The following SLC25A13 variants were observed in gnomAD, a reference collection of about 807,000 sequenced individuals.
The protein encoded by SLC25A13 is solute carrier family 25 member 13.
SLC25A13 carries 70 observed loss-of-function variants against 85.5 expected under a neutral mutation model. The observed-to-expected ratio is 0.82, with a 90% CI of 0.68 to 1.00. The LOEUF is 1.00. Ranked by LOEUF, SLC25A13 falls within the 50% of genes least tolerant of loss-of-function variation. The probability of loss-of-function intolerance (pLI) is 0.00; values close to 1 mark genes in which losing one functional copy is unlikely to be tolerated. For synonymous variants in SLC25A13, 259 were observed against 288.7 expected, an observed-to-expected ratio of 0.90 and a Z score of 1.04; for missense variants, 765 against 819.8, an observed-to-expected ratio of 0.93 and a Z score of 0.82.
At chr7:96,188,128 G>A (rs1794706747) in intron 9 of SLC25A13, among the ~76,000 whole-genome samples, 1 of 152,312 alleles carries the variant, frequency 6.6e-6, no homozygotes, top group East Asian at 1.9e-4. Flanking sequence ...ATAGCTGGTG[G>A]CATACAGACG....
intron 4 of SLC25A13, among the ~76,000 whole-genome samples, chr7:96,211,476 AT>A (rs1444212604): frequency 6.6e-6 from 1 of 152,164 alleles, no homozygotes; most frequent in Non-Finnish European, 1.5e-5. Flanking sequence ...TCTCTATATG[AT>A]GTAATATAAA....
At chr7:96,307,857 C>A (rs1330485518) in intron 1 of SLC25A13, among the ~76,000 whole-genome samples, 3 of 151,958 alleles carry the variant, frequency 2.0e-5, no homozygotes. Flanking sequence ...ACATTTAAAT[C>A]TGACTCCACT....
chr7:96,188,376 C>A (rs994208316), intron 9 of SLC25A13, among the ~76,000 whole-genome samples: 2 of 152,106 alleles, frequency 1.3e-5, no homozygotes, highest in Admixed American at 6.6e-5. Context: ...TGGGAAAGAG[C>A]TAAAAGAAGG....
Position 96,189,689 on chromosome 7 carries a change from A to C in SLC25A13, c.755-15T>G, listed in dbSNP as rs1378327858. On this transcript the variant is annotated splice_polypyrimidine_tract_variant and intron_variant, in intron 7 of 17. Transcript: ENST00000265631. ...AACAAACTCCTCTGTATGGAAGAAAAGTTAAAAGGGAAAGATTCAAGAAGA... is the reference window on the plus strand; with the variant it reads ...AACAAACTCCTCTGTATGGAAGAAACGTTAAAAGGGAAAGATTCAAGAAGA... The C allele has an allele frequency of 1.2e-6, 2 of 1,606,818 alleles. No individual in the cohort carries two copies. The highest frequency in any genetic ancestry group is 2.7e-5 in the African/African-American group (2 of 74,794).
At chr7:96,174,455 T>C (rs1197439800) in intron 11 of SLC25A13, among the ~76,000 whole-genome samples, 1 of 152,234 alleles carries the variant, frequency 6.6e-6, no homozygotes, top group Non-Finnish European at 1.5e-5. Flanking sequence ...GGTTATTACC[T>C]AATAAAAGTA....
rs573381158 is a variant in SLC25A13 at position 96,223,458 on chromosome 7, G to A, written c.328+11344C>T. Among the ~76,000 whole-genome samples, 5 of 152,178 alleles carry A rather than the reference G, an allele frequency of 3.3e-5. No homozygotes were observed. In the South Asian group the frequency reaches 1.0e-3, roughly 32 times the overall value. ...ATAGATCATACTTTGAATTTTCAGG[G>A]GGTCTACTTGTGACTTTCCTCAGAT... On this transcript the variant is annotated intron_variant, in intron 4 of 17. Coordinates refer to ENST00000265631, the MANE Select transcript of SLC25A13 (RefSeq NM_014251.3).
intron 3 of SLC25A13, among the ~76,000 whole-genome samples, chr7:96,266,646 T>C (rs554585312): frequency 6.6e-6 from 1 of 152,238 alleles, no homozygotes; most frequent in East Asian, 1.9e-4. Flanking sequence ...TTCCTAGAGA[T>C]TTTCTAATAC....
intron 3 of SLC25A13, among the ~76,000 whole-genome samples, chr7:96,266,403 C>A (rs990904781): frequency 6.6e-6 from 1 of 152,156 alleles, no homozygotes; most frequent in Non-Finnish European, 1.5e-5. Context: ...TTGGCATTCA[C>A]CTAGAAAAGA....
At chr7:96,231,905 A>C (rs1796554191) in intron 4 of SLC25A13, among the ~76,000 whole-genome samples, 1 of 152,180 alleles carries the variant, frequency 6.6e-6, no homozygotes, top group African/African-American at 2.4e-5. Flanking sequence ...ACTATTAAAA[A>C]GTCAAAAAAT....
chr7:96,177,606 T>C (rs2116606641), intron 11 of SLC25A13, among the ~76,000 whole-genome samples: 1 of 152,296 alleles, frequency 6.6e-6, no homozygotes, highest in African/African-American at 2.4e-5. Context: ...TTTCACGGGG[T>C]AGTCGTGAAG....
At chr7:96,138,159 T>G (rs1177053136) in intron 14 of SLC25A13, among the ~76,000 whole-genome samples, 2 of 152,148 alleles carry the variant, frequency 1.3e-5, no homozygotes, top group African/African-American at 2.4e-5. Flanking sequence ...GGTTGAAAAG[T>G]TTTTTTCCTC....
intron 1 of SLC25A13, among the ~76,000 whole-genome samples, chr7:96,298,434 C>CT (rs879811089): frequency 3.7e-4 from 54 of 147,364 alleles, no homozygotes; most frequent in Admixed American, 6.1e-4. Flanking sequence ...ATTTGTAATA[C>CT]TTTTTTTTTT....
rs532132551 is a variant in SLC25A13 at position 96,120,506 on chromosome 7, GCTACAT to G, written c.*679_*684del. ...CAAAATTAGCACTTCCAGGAGAGGG[GCTACAT>G]CTCAGTTTTTTCTGTCTGTACAGTA... is the stretch of plus-strand genomic sequence containing the variant. On this transcript the variant is annotated 3_prime_UTR_variant, in exon 18 of 18. Coordinates refer to ENST00000265631, the MANE Select transcript of SLC25A13 (RefSeq NM_014251.3). 3,439 of 454,400 alleles carry G rather than the reference GCTACAT, an allele frequency of 7.6e-3. 14 individuals carry two copies. Among genetic ancestry groups the G allele is most frequent in the Non-Finnish European group, 0.011 (2,544 of 226,758 alleles). The allele number at this position is 454,400 out of a possible 1,614,324, so 28.1% of individuals were successfully genotyped here.
chr7:96,215,624 C>T (rs1166147228), intron 4 of SLC25A13, among the ~76,000 whole-genome samples: 3 of 151,878 alleles, frequency 2.0e-5, no homozygotes, highest in Non-Finnish European at 2.9e-5. Flanking sequence ...ACCCTGTATA[C>T]AAAAATTAAC....
chr7:96,212,375 C>T (rs777581992), intron 4 of SLC25A13, among the ~76,000 whole-genome samples: 1 of 152,162 alleles, frequency 6.6e-6, no homozygotes, highest in Non-Finnish European at 1.5e-5. Flanking sequence ...AGGTATGAGG[C>T]TACATCCAAG....
intron 15 of SLC25A13, among the ~76,000 whole-genome samples, chr7:96,128,949 T>G (rs947201509): frequency 2.1e-4 from 30 of 144,416 alleles, no homozygotes; most frequent in African/African-American, 6.9e-4. Flanking sequence ...GCTCTCTCTC[T>G]CTCTCTCTCT....
chr7:96,202,090 A>C (rs776796176), intron 5 of SLC25A13, among the ~76,000 whole-genome samples: 3 of 152,216 alleles, frequency 2.0e-5, no homozygotes, highest in Non-Finnish European at 4.4e-5. Context: ...CTGACCAAGA[A>C]GCCAAAATAA....
At chr7:96,310,473 G>A (rs755087922) in intron 1 of SLC25A13, among the ~76,000 whole-genome samples, 10 of 152,172 alleles carry the variant, frequency 6.6e-5, no homozygotes, top group Non-Finnish European at 1.3e-4. Context: ...CATAATGCTA[G>A]TTTATCCCAT....
In SLC25A13 at chr7:96,150,549, AT is replaced by A. The variant is rs199810232; in HGVS notation, c.1312-3854del. 4.7e-4 allele frequency among the ~76,000 whole-genome samples: 72 copies of A among 152,300 alleles called. 1 individual carries two copies. In the East Asian group the frequency reaches 0.014, roughly 29 times the overall value. On this transcript the variant is annotated intron_variant, in intron 13 of 17. Transcript: ENST00000265631. Reference sequence around the variant, plus strand: ...CTCTCAAATATTTCAGAATGTGACTATAGTTGGAAACAGGGCCTTTAAAAGA... The same window carrying A: ...CTCTCAAATATTTCAGAATGTGACTAAGTTGGAAACAGGGCCTTTAAAAGA...
Sources: gnomAD v4.1 joint callset for allele counts (sites outside exome capture counted in the v4.1 genomes callset) on GRCh38, gnomAD v4.1.1 for gene constraint, MANE v1.5 for transcripts, NCBI Gene and HGNC (gene_info 2026-07-23, HGNC 2026-07-21) for gene names.